Variants in TANC2 observed in about 807,000 individuals in gnomAD.
The protein encoded by TANC2 is protein TANC2.
A neutral mutation model predicts 210.5 loss-of-function variants in TANC2; 26 were observed. The observed-to-expected ratio is 0.12, with a 90% CI of 0.09 to 0.17. The LOEUF (loss-of-function observed/expected upper bound fraction) is 0.17, where lower values mean the gene tolerates loss of function less well. TANC2 is among the 10% of genes least tolerant of loss of function. The probability of loss-of-function intolerance (pLI) is 1.00; values close to 1 mark genes in which losing one functional copy is unlikely to be tolerated. For missense variants in TANC2, 2,129 were observed against 2,608.9 expected, an observed-to-expected ratio of 0.82 and a Z score of 4.01; for synonymous variants, 931 against 967.1, an observed-to-expected ratio of 0.96 and a Z score of 0.69.
intron 5 of TANC2, among the ~76,000 whole-genome samples, chr17:63,165,566 T>G (rs1289764821): frequency 6.6e-6 from 1 of 152,230 alleles, no homozygotes; most frequent in Non-Finnish European, 1.5e-5. Context: ...AGTGGATTAC[T>G]TCTTCCTAGA....
chr17:63,407,032 A>G (rs2048531836), intron 21 of TANC2, among the ~76,000 whole-genome samples: 1 of 152,242 alleles, frequency 6.6e-6, no homozygotes, highest in South Asian at 2.1e-4. Context: ...TACATCCACA[A>G]GCACATGTAC....
At chr17:63,005,320 C>T (rs2033570045) in intron 1 of TANC2, among the ~76,000 whole-genome samples, 1 of 152,004 alleles carries the variant, frequency 6.6e-6, no homozygotes. Context: ...TCTGTTGATA[C>T]CATATTCTCA....
At chr17:63,358,376 A>AGAGAGAGTGT (rs1470682571) in intron 14 of TANC2, among the ~76,000 whole-genome samples, 19 of 80,938 alleles carry the variant, frequency 2.3e-4, no homozygotes, top group African/African-American at 7.0e-4. Context: ...AGAGAGAGAG[A>AGAGAGAGTGT]GTATGTGTGT....
chr17:63,149,481 A>G (rs756093005), intron 4 of TANC2: 2 of 150,824 alleles, frequency 1.3e-5, no homozygotes, highest in African/African-American at 2.5e-5. Context: ...TTTAAGATAT[A>G]TAGAGTCCCT....
At chr17:63,367,677 A>C (rs1182761435) in intron 14 of TANC2, among the ~76,000 whole-genome samples, 1 of 152,206 alleles carries the variant, frequency 6.6e-6, no homozygotes, top group East Asian at 1.9e-4. Context: ...ATGCAGGAGC[A>C]CTGTAGGCAG....
chr17:63,392,244 A>G (rs1472456166), intron 17 of TANC2, among the ~76,000 whole-genome samples: 1 of 152,162 alleles, frequency 6.6e-6, no homozygotes, highest in Non-Finnish European at 1.5e-5. Flanking sequence ...AATTTCTGAA[A>G]GTGTTTTTGA....
At chr17:63,337,617 T>A (rs2046077598) in intron 11 of TANC2, among the ~76,000 whole-genome samples, 1 of 150,804 alleles carries the variant, frequency 6.6e-6, no homozygotes, top group South Asian at 2.1e-4. Flanking sequence ...AATCTTTTTT[T>A]TTTTTTTAAA....
At chr17:63,221,116 A>T (rs975042138) in intron 7 of TANC2, among the ~76,000 whole-genome samples, 26 of 152,100 alleles carry the variant, frequency 1.7e-4, no homozygotes, top group Non-Finnish European at 2.9e-4. Context: ...GCCAAAATTT[A>T]AAATATTTAC....
At chr17:63,015,890 A>G (rs2034085727) in intron 2 of TANC2, among the ~76,000 whole-genome samples, 1 of 152,094 alleles carries the variant, frequency 6.6e-6, no homozygotes, top group African/African-American at 2.4e-5. Flanking sequence ...TTAATTAAAA[A>G]ACTTCAAATA....
intron 7 of TANC2, among the ~76,000 whole-genome samples, chr17:63,223,547 G>C (rs564468298): frequency 6.6e-6 from 1 of 151,292 alleles, no homozygotes; most frequent in Non-Finnish European, 1.5e-5. Context: ...TTGCTGGTTA[G>C]CTATATCTGT....
chr17:63,043,273 A>G (rs2035257951), intron 2 of TANC2, among the ~76,000 whole-genome samples: 1 of 152,128 alleles, frequency 6.6e-6, no homozygotes, highest in Admixed American at 6.6e-5. Flanking sequence ...AGCACATAGT[A>G]TAATGCCCCA....
In TANC2 at chr17:63,388,732, G is replaced by A. The variant is rs968360568; in HGVS notation, c.2789G>A (p.Arg930Gln). 5.1e-6 allele frequency: 8 copies of A among 1,571,754 alleles called. No individual in the cohort carries two copies. The highest frequency in any genetic ancestry group is 1.2e-5 in the South Asian group (1 of 84,918). Residue 930 changes from arginine (R) to glutamine (Q), a missense_variant, in exon 16 of 28, where the codon CGA becomes CAA. Around this residue, in one of 5 missense-constraint regions of TANC2, gnomAD observed 644 missense variants for 937.5 expected, o/e 0.69. Coordinates refer to ENST00000689528, the Ensembl canonical transcript of TANC2. ...CTTTCCATGGCACTGGCGTCTTTAC[G>A]AAATCTCTACACTCCAAATATAAAG...
chr17:63,333,299 A>G (rs1208416791), intron 11 of TANC2, among the ~76,000 whole-genome samples: 1 of 152,198 alleles, frequency 6.6e-6, no homozygotes, highest in Non-Finnish European at 1.5e-5. Context: ...GGTCAATATT[A>G]ACATTACTAG....
chr17:63,098,431 T>TACACACACAC lies in TANC2; in HGVS notation c.140-704_140-695dup, dbSNP rs67245738. ...TTTCACCCCTTGGTGGGCCTTAGAC[T>TACACACACAC]ACACACACACACACACACACACACA... is the stretch of plus-strand genomic sequence containing the variant. On this transcript the variant is annotated intron_variant, in intron 3 of 27. Coordinates refer to ENST00000689528, the Ensembl canonical transcript of TANC2. 3.6e-4 allele frequency among the ~76,000 whole-genome samples: 34 copies of TACACACACAC among 93,306 alleles called. 1 individual carries two copies. Among genetic ancestry groups the TACACACACAC allele is most frequent in the Non-Finnish European group, 5.9e-4 (30 of 50,708 alleles). The allele number at this position is 93,306 out of a possible 152,430, so 61.2% of individuals were successfully genotyped here.
intron 1 of TANC2, among the ~76,000 whole-genome samples, chr17:62,979,528 T>TAAAAAAA (rs1459939509): frequency 2.0e-5 from 3 of 152,230 alleles, no homozygotes; most frequent in African/African-American, 7.2e-5. Context: ...AAATAAATTT[T>TAAAAAAA]AAAAATATTT....
intron 14 of TANC2, among the ~76,000 whole-genome samples, chr17:63,358,370 A>T (rs1328841554): frequency 8.9e-4 from 114 of 127,974 alleles, no homozygotes; most frequent in African/African-American, 3.5e-3. Flanking sequence ...AGAGAGAGAG[A>T]GAGAGAGTAT....
intron 3 of TANC2, among the ~76,000 whole-genome samples, chr17:63,079,662 A>G (rs1006560449): frequency 3.9e-5 from 6 of 152,234 alleles, no homozygotes; most frequent in Non-Finnish European, 8.8e-5. Context: ...ATACTGCCTG[A>G]TAATCTGCCC....
chr17:63,066,028 G>C (rs553274551), intron 2 of TANC2, among the ~76,000 whole-genome samples: 1 of 152,122 alleles, frequency 6.6e-6, no homozygotes, highest in Admixed American at 6.5e-5. Context: ...CCTCCTGCTT[G>C]TTGTCTGTGA....
chr17:63,154,352 A>G (rs148157853), intron 5 of TANC2: 3 of 152,292 alleles, frequency 2.0e-5, no homozygotes, highest in Non-Finnish European at 4.4e-5. Flanking sequence ...TGTAAATTCC[A>G]TGAGCATTCC....
Sources: allele counts gnomAD v4.1 joint callset (sites outside exome capture counted in the v4.1 genomes callset), GRCh38; gene constraint gnomAD v4.1.1; regional missense constraint gnomAD v4.1.1; transcripts MANE v1.5; gene names NCBI Gene and HGNC (gene_info 2026-07-23, HGNC 2026-07-21).